FGF14: variants seen among roughly 807,000 people sequenced by gnomAD.
FGF14 encodes fibroblast growth factor 14, also known as fibroblast growth factor homologous factor 4.
FGF14 carries 5 observed loss-of-function variants against 25.5 expected under a neutral mutation model. The ratio of observed to expected loss-of-function variants is 0.20; its 90% confidence interval spans 0.10 to 0.41. The LOEUF is 0.41. FGF14 is among the 10% of genes least tolerant of loss of function. The probability of loss-of-function intolerance (pLI) is 1.00; values close to 1 mark genes in which losing one functional copy is unlikely to be tolerated. For synonymous variants in FGF14, 138 were observed against 118.3 expected (o/e 1.17, Z -1.08); for missense variants, 222 against 320.1 (o/e 0.69, Z 2.34).
At chr13:102,326,667 GGGGAA>G (rs1334021858) in intron 1 of FGF14, among the ~76,000 whole-genome samples, 4,929 of 74,346 alleles carry the variant, frequency 0.066, 690 homozygotes, top group Middle Eastern at 0.1. Flanking sequence ...GGGGAAGGGA[GGGGAA>G]GGGAAGGGAA....
chr13:102,097,755 A>G (rs533330036), intron 1 of FGF14, among the ~76,000 whole-genome samples: 1 of 152,264 alleles, frequency 6.6e-6, no homozygotes, highest in South Asian at 2.1e-4. Flanking sequence ...TTTTTCCCAG[A>G]GCACATCTGT....
chr13:101,793,172 T>C (rs977329075), intron 3 of FGF14, among the ~76,000 whole-genome samples: 1 of 152,088 alleles, frequency 6.6e-6, no homozygotes, highest in African/African-American at 2.4e-5. Flanking sequence ...CATTTCCCCA[T>C]TCCTTCCACC....
At chr13:102,085,144 C>A (rs1370875535) in intron 1 of FGF14, among the ~76,000 whole-genome samples, 3 of 152,212 alleles carry the variant, frequency 2.0e-5, no homozygotes, top group African/African-American at 4.8e-5. Context: ...ACACGCTCTA[C>A]ATACTTTTTT....
intron 1 of FGF14, among the ~76,000 whole-genome samples, chr13:102,144,809 T>G (rs1403776909): frequency 6.6e-6 from 1 of 152,164 alleles, no homozygotes; most frequent in Non-Finnish European, 1.5e-5. Flanking sequence ...CAAAAGTACA[T>G]GTATTTCAAA....
At chr13:102,094,969 G>C (rs1203775669) in intron 1 of FGF14, among the ~76,000 whole-genome samples, 1 of 152,020 alleles carries the variant, frequency 6.6e-6, no homozygotes, top group Non-Finnish European at 1.5e-5. Flanking sequence ...ATTATGCATG[G>C]TACTTTATGG....
intron 1 of FGF14, among the ~76,000 whole-genome samples, chr13:102,260,449 T>A (rs4772458): frequency 0.2 from 30,500 of 152,150 alleles, 3,286 homozygotes; most frequent in African/African-American, 0.26. Context: ...CCTGCTGGGC[T>A]CCCTAGAGCC....
intron 1 of FGF14, among the ~76,000 whole-genome samples, chr13:102,342,689 C>T (rs904506435): frequency 1.3e-4 from 20 of 152,066 alleles, no homozygotes; most frequent in African/African-American, 4.8e-4. Flanking sequence ...TTAATAGTCA[C>T]AGGAAGCCAA....
intron 1 of FGF14, among the ~76,000 whole-genome samples, chr13:102,233,521 C>T (rs1336959695): frequency 6.6e-6 from 1 of 151,918 alleles, no homozygotes; most frequent in Non-Finnish European, 1.5e-5. Context: ...CTGTTTTGTT[C>T]ACAGCTGTAC....
intron 1 of FGF14, among the ~76,000 whole-genome samples, chr13:101,950,008 T>C (rs1474093694): frequency 6.6e-6 from 1 of 150,698 alleles, no homozygotes; most frequent in East Asian, 1.9e-4. Context: ...TTTCTTTTTC[T>C]TTTTTTTTCA....
At chr13:101,948,480 T>A (rs2035957075) in intron 1 of FGF14, among the ~76,000 whole-genome samples, 1 of 148,944 alleles carries the variant, frequency 6.7e-6, no homozygotes, top group Non-Finnish European at 1.5e-5. Flanking sequence ...AATATATATA[T>A]ATATATATAA....
Position 102,190,961 on chromosome 13 carries a change from G to A in FGF14, c.208+210510C>T, listed in dbSNP as rs947641383. Among the ~76,000 whole-genome samples the A allele has an allele frequency of 2.0e-5, 3 of 152,144 alleles. No homozygotes were observed. The South Asian group carries it at 6.2e-4, about 32-fold the overall frequency. ...AACCAACAGCTTGGTAAATATGATA[G>A]CAGTGACAAGCATAGCCATAAAAAA... On this transcript the variant is annotated intron_variant, in intron 1 of 4. Coordinates refer to the FGF14 transcript ENST00000376131.
chr13:101,785,796 T>A (rs923366539), intron 3 of FGF14, among the ~76,000 whole-genome samples: 2 of 152,188 alleles, frequency 1.3e-5, no homozygotes, highest in African/African-American at 2.4e-5. Context: ...GTGTAAGGTG[T>A]ATTGAAGATT....
chr13:102,248,870 T>A (rs2052016716), intron 1 of FGF14, among the ~76,000 whole-genome samples: 1 of 151,874 alleles, frequency 6.6e-6, no homozygotes, highest in Admixed American at 6.6e-5. Flanking sequence ...AAGAAAAGAA[T>A]GATTGAGACT....
At chr13:102,345,552 G>A (rs2057080842) in intron 1 of FGF14, among the ~76,000 whole-genome samples, 1 of 152,180 alleles carries the variant, frequency 6.6e-6, no homozygotes, top group Non-Finnish European at 1.5e-5. Flanking sequence ...AAAAGCTGGA[G>A]CATGCTTGTC....
chr13:101,942,714 A>T lies in FGF14; in HGVS notation c.209-67418T>A, dbSNP rs977313920. Among the ~76,000 whole-genome samples, 7 of 152,260 alleles carry T rather than the reference A, an allele frequency of 4.6e-5. No individual in the cohort carries two copies. The East Asian group carries it at 1.3e-3, about 29-fold the overall frequency. ...GTCATCTCCTGTCTGTAAAAGAAGTAGCTAAACTAGAAAATGGCCAAGAAC... is the reference window on the plus strand; with the variant it reads ...GTCATCTCCTGTCTGTAAAAGAAGTTGCTAAACTAGAAAATGGCCAAGAAC... On this transcript the variant is annotated intron_variant, in intron 1 of 4. Transcript: ENST00000376131.
intron 1 of FGF14, among the ~76,000 whole-genome samples, chr13:102,085,512 T>A (rs979457302): frequency 6.6e-6 from 1 of 152,220 alleles, no homozygotes; most frequent in African/African-American, 2.4e-5. Context: ...TGGTTAATTA[T>A]TAAGAGAATA....
intron 1 of FGF14, among the ~76,000 whole-genome samples, chr13:102,069,410 G>C (rs945358801): frequency 2.0e-5 from 3 of 152,154 alleles, no homozygotes; most frequent in South Asian, 2.1e-4. Flanking sequence ...GAGGCTGCCC[G>C]AGCCAGCATT....
At chr13:102,061,581 G>C (rs1314768540) in intron 1 of FGF14, among the ~76,000 whole-genome samples, 1 of 152,182 alleles carries the variant, frequency 6.6e-6, no homozygotes, top group African/African-American at 2.4e-5. Flanking sequence ...TGTAACCACT[G>C]GTAACAATGC....
intron 1 of FGF14, among the ~76,000 whole-genome samples, chr13:102,180,116 G>A (rs1387479592): frequency 1.3e-5 from 2 of 152,112 alleles, no homozygotes; most frequent in East Asian, 1.9e-4. Flanking sequence ...GACTTCTAAG[G>A]CAAGACTATA....
Sources: allele counts gnomAD v4.1 joint callset (sites outside exome capture counted in the v4.1 genomes callset), GRCh38; gene constraint gnomAD v4.1.1; transcripts MANE v1.5; gene names NCBI Gene and HGNC (gene_info 2026-07-23, HGNC 2026-07-21).